Variants in FHOD1 observed in about 807,000 individuals in gnomAD.
FHOD1 encodes the protein FH1/FH2 domain-containing protein 1.
A neutral mutation model predicts 111.6 loss-of-function variants in FHOD1; 89 were observed. The ratio of observed to expected loss-of-function variants is 0.80; its 90% confidence interval spans 0.67 to 0.95. The LOEUF (loss-of-function observed/expected upper bound fraction) is 0.95, where lower values mean the gene tolerates loss of function less well. FHOD1 is among the 40% of genes least tolerant of loss of function. FHOD1 has a pLI of 0.00. For missense variants in FHOD1, 1,446 were observed against 1,554.2 expected, an observed-to-expected ratio of 0.93 and a Z score of 1.17; for synonymous variants, 618 against 639.0, an observed-to-expected ratio of 0.97 and a Z score of 0.50.
rs1436168158 is a variant in FHOD1 at position 67,230,113 on chromosome 16, A to G, written c.3167T>C (p.Leu1056Pro). Residue 1056 changes from leucine to proline, a missense_variant, in exon 20 of 22, where the codon CTG (leucine) becomes CCG (proline). Leu to Pro is a moderately conservative substitution (Grantham distance 98). Transcript: ENST00000258201. ...GGTGTCCTCAGGCCTGCTGGTCAGC[A>G]GACTCTTCATACTAGCATGACTGTC... ...DADSHASMKSLLTSRPEDTTH... is the reference protein window; with the variant it reads ...DADSHASMKSPLTSRPEDTTH... 5 of 1,614,108 alleles carry G rather than the reference A, an allele frequency of 3.1e-6. No individual in the cohort carries two copies. Among genetic ancestry groups the G allele is most frequent in the African/African-American group, 1.3e-5 (1 of 74,936 alleles).
intron 1 of FHOD1, 106 bp from the exon 2 acceptor site, chr16:67,239,560 G>T: frequency 1.3e-6 from 1 of 775,802 alleles, no homozygotes; most frequent in East Asian, 2.6e-5. Context: ...GAGAGACACA[G>T]GGTCTGCACT....
chr16:67,230,574 C>CT lies in FHOD1; in HGVS notation c.2858+26dup, dbSNP rs767996597. The CT allele has an allele frequency of 1.2e-5, 20 of 1,613,488 alleles. No individual in the cohort carries two copies. The African/African-American group carries it at 2.5e-4, about 20-fold the overall frequency. On this transcript the variant is annotated intron_variant, in intron 18 of 21. Coordinates refer to ENST00000258201, the MANE Select transcript of FHOD1 (RefSeq NM_013241.3). Reference sequence around the variant, plus strand: ...TGTCTGAGGGAGGGTGGTGGCCGTCCTGCCTCTCTTGGGTCCATGCCCCTA... The same window carrying CT: ...TGTCTGAGGGAGGGTGGTGGCCGTCCTTGCCTCTCTTGGGTCCATGCCCCTA...
rs149208562 is a variant in FHOD1 at position 67,237,686 on chromosome 16, C to T, written c.725G>A (p.Arg242His). 26 of 1,614,012 alleles carry T rather than the reference C, an allele frequency of 1.6e-5. No individual in the cohort carries two copies. The African/African-American group carries it at 2.4e-4, about 15-fold the overall frequency. Residue 242 changes from arginine to histidine, a missense_variant, in exon 7 of 22, where the codon CGT becomes CAT. By Grantham distance (29) the Arg-to-His change is conservative. Transcript: ENST00000258201. This position sits in a 1 kb window ranked among gnomAD's most constrained non-coding sequence, Gnocchi z 5.6. Reference sequence around the variant, plus strand: ...GGTGCTGGCCACAGAGTTCACTGCACGGATGAACAGCGGTGCGTTGTTTTC... The same window carrying T: ...GGTGCTGGCCACAGAGTTCACTGCATGGATGAACAGCGGTGCGTTGTTTTC... ...YSENNAPLFI[R>H]AVNSVASTTG...
intron 11 of FHOD1, chr16:67,234,741 C>CAG: frequency 2.2e-6 from 1 of 444,522 alleles, no homozygotes; most frequent in Non-Finnish European, 4.1e-6. Flanking sequence ...CAACCTCGTT[C>CAG]ATGTTCACTG....
chr16:67,241,861 C>T (rs1026706916), intron 1 of FHOD1, among the ~76,000 whole-genome samples: 2 of 152,230 alleles, frequency 1.3e-5, no homozygotes, highest in East Asian at 1.9e-4. Context: ...AGGCCCACCA[C>T]GCTGTCCTGC....
intron 11 of FHOD1, 146 bp from the exon 12 acceptor site, chr16:67,234,618 C>T: frequency 1.5e-6 from 1 of 654,158 alleles, no homozygotes; most frequent in Non-Finnish European, 2.7e-6. Context: ...ACCAGAACCA[C>T]ACCCCCCCCA....
Position 67,237,338 on chromosome 16 carries a change from C to A in FHOD1, c.894G>T (p.Thr298=). ...CCATGCCCTGCTGCTCCAGTGCATCCGTCACATCGTAGAAGGAGTCCTGGT... is the reference window on the plus strand; with the variant it reads ...CCATGCCCTGCTGCTCCAGTGCATCAGTCACATCGTAGAAGGAGTCCTGGT... ...LPDQDSFYDV[T]DALEQQGMEA... The change falls in exon 9 of 22, where the codon ACG becomes ACT. Residue 298 remains threonine (T), a synonymous_variant. Coordinates refer to ENST00000258201, the MANE Select transcript of FHOD1 (RefSeq NM_013241.3). This position sits in a 1 kb window ranked among gnomAD's most constrained non-coding sequence, Gnocchi z 5.6. 1 of 1,614,102 alleles carries A rather than the reference C, an allele frequency of 6.2e-7. No homozygotes were observed. The highest frequency in any genetic ancestry group is 1.1e-5 in the South Asian group (1 of 91,078).
rs1307217835 is a variant in FHOD1, at chr16:67,229,475, T to C, written c.*161A>G. ...ATGCATATGCATGCACACACACACA[T>C]ACACACACACTCACATGCATACACA... On this transcript the variant is annotated 3_prime_UTR_variant, in exon 22 of 22. Transcript: ENST00000258201. The C allele has an allele frequency of 3.1e-5, 21 of 669,354 alleles. No individual in the cohort carries two copies. The highest frequency in any genetic ancestry group is 4.9e-5 in the Non-Finnish European group (18 of 369,196). 41.5% of individuals were successfully genotyped at this position (669,354 alleles called of 1,614,324 possible). A position where few individuals can be genotyped will look rare whatever the true frequency, so the allele number is the denominator to read the frequency against.
chr16:67,231,234 GA>G lies in FHOD1; in HGVS notation c.2620del (p.Ser874ProfsTer11). Reference protein sequence around the residue: ...CSLVLQTRPESSDLYSEIPAL... With the variant: ...CSLVLQTRPEXSDLYSEIPAL... ...AGGGATTTCTGAATAGAGGTCAGAG[GA>G]CTCAGGCCGGGTCTGGAGCACTAGG... On this transcript the variant is annotated frameshift_variant, in exon 17 of 22. Transcript: ENST00000258201. LOFTEE classifies it high-confidence loss of function. This position sits in a 1 kb window ranked among gnomAD's most constrained non-coding sequence, Gnocchi z 4.3. 6.2e-7 allele frequency: 1 copy of G among 1,614,220 alleles called. No individual in the cohort carries two copies. Among genetic ancestry groups the G allele is most frequent in the Non-Finnish European group, 8.5e-7 (1 of 1,180,038 alleles).
At chr16:67,236,093 G>C in intron 11 of FHOD1, 1 of 943,358 alleles carries the variant, frequency 1.1e-6, no homozygotes, top group Non-Finnish European at 1.3e-6. Context: ...ATGAGAGGAA[G>C]AGATGGTAAC....
In FHOD1 at chr16:67,230,423, C is replaced by T. The variant is rs569958308; in HGVS notation, c.2942G>A (p.Arg981Gln). Residue 981 changes from arginine to glutamine, a missense_variant, in exon 19 of 22, where the codon CGG becomes CAG. Transcript: ENST00000258201. ...AGTCCGATACTCAAGCGCAAATTCCCGCAGCGTGTGGCAGAACTGCATGAT... is the reference window on the plus strand; with the variant it reads ...AGTCCGATACTCAAGCGCAAATTCCTGCAGCGTGTGGCAGAACTGCATGAT... ...VRIMQFCHTL[R>Q]EFALEYRTCR... 2.9e-5 allele frequency: 47 copies of T among 1,614,128 alleles called. No homozygotes were observed. The highest frequency in any genetic ancestry group is 1.3e-5 in the African/African-American group (1 of 74,952).
Position 67,229,915 on chromosome 16 carries a change from G to C in FHOD1, c.3290C>G (p.Ser1097Cys), listed in dbSNP as rs2034183268. 2.5e-6 allele frequency: 4 copies of C among 1,614,104 alleles called. No individual in the cohort carries two copies. The South Asian group carries it at 3.3e-5, about 13-fold the overall frequency. ...ATCTGATGTATCACTGGGTAAACTGGAGCCTGGGGGTTCTTCTGGGGATGC... is the reference window on the plus strand; with the variant it reads ...ATCTGATGTATCACTGGGTAAACTGCAGCCTGGGGGTTCTTCTGGGGATGC... ...STASPEEPPG[S>C]SLPSDTSDEI... is the part of the protein sequence containing the mutation. Residue 1097 changes from serine (S) to cysteine (C), a missense_variant, in exon 21 of 22, where the codon TCC becomes TGC. This residue lies in a region of FHOD1 where 1,085 missense variants were observed against 1,108.8 expected (regional missense o/e 0.98). Coordinates refer to ENST00000258201, the MANE Select transcript of FHOD1 (RefSeq NM_013241.3).
Position 67,234,082 on chromosome 16 carries a change from T to A in FHOD1, c.1621A>T (p.Ile541Phe), listed in dbSNP as rs1008214080. The change falls in exon 13 of 22, where the codon ATT (isoleucine) becomes TTT (phenylalanine). Residue 541 changes from isoleucine (I) to phenylalanine (F), a missense_variant. Around this residue, in one of 3 missense-constraint regions of FHOD1, gnomAD observed 1,085 missense variants for 1,108.8 expected, o/e 0.98. Coordinates refer to ENST00000258201, the MANE Select transcript of FHOD1 (RefSeq NM_013241.3). The part of the protein sequence containing the change: ...ELPTRAPRLS[I>F]GDLDFSDLGE... The stretch of plus-strand genomic sequence containing the variant: ...AGATCTGAAAAGTCCAGGTCCCCAA[T>A]AGAGAGCCTGGGTGCACGGGTAGGG... The A allele has an allele frequency of 1.9e-6, 3 of 1,608,538 alleles. No individual in the cohort carries two copies. Among genetic ancestry groups the A allele is most frequent in the South Asian group, 1.1e-5 (1 of 90,660 alleles).
At position 67,230,614 on chromosome 16, in the gene FHOD1, G is replaced by A. The variant is rs748898328; in HGVS notation, c.2845C>T (p.Arg949Cys). ...RVAMLRIVHRRVCNRFHAFLL... is the reference protein window; with the variant it reads ...RVAMLRIVHRCVCNRFHAFLL... Reference sequence around the variant, plus strand: ...CCATGCCCCTACCTATTGCAGACACGGCGGTGCACTATCCTTAGCATGGCA... The same window carrying A: ...CCATGCCCCTACCTATTGCAGACACAGCGGTGCACTATCCTTAGCATGGCA... The change falls in exon 18 of 22, where the codon CGT becomes TGT. Residue 949 changes from arginine to cysteine, a missense_variant. By Grantham distance (180) the Arg-to-Cys change is radical. Around this residue, in one of 3 missense-constraint regions of FHOD1, gnomAD observed 1,085 missense variants for 1,108.8 expected, o/e 0.98. Coordinates refer to ENST00000258201, the MANE Select transcript of FHOD1 (RefSeq NM_013241.3). 6.2e-6 allele frequency: 10 copies of A among 1,613,956 alleles called. No homozygotes were observed. The highest frequency in any genetic ancestry group is 5.5e-5 in the South Asian group (5 of 91,086).
At chr16:67,236,050 C>T (rs1475296186) in intron 11 of FHOD1, 247 of 982,160 alleles carry the variant, frequency 2.5e-4, no homozygotes, top group Non-Finnish European at 2.9e-4. Context: ...GACTGGGGGA[C>T]GGGTGGGCTC....
chr16:67,242,401 G>C lies in FHOD1; in HGVS notation c.202-2947C>G, dbSNP rs1461190449. 1.4e-4 allele frequency among the ~76,000 whole-genome samples: 22 copies of C among 152,224 alleles called. 1 individual carries two copies. Among genetic ancestry groups the C allele is most frequent in the Admixed American group, 1.4e-3 (22 of 15,286 alleles). Reference sequence around the variant, plus strand: ...GGACAGTGTCTCCCCACCCCCAGCTGTCTGTCCTGGGTGGAAGTGTGGGGT... The same window carrying C: ...GGACAGTGTCTCCCCACCCCCAGCTCTCTGTCCTGGGTGGAAGTGTGGGGT... On this transcript the variant is annotated intron_variant, in intron 1 of 21. Coordinates refer to ENST00000258201, the MANE Select transcript of FHOD1 (RefSeq NM_013241.3).
chr16:67,237,668 G>C lies in FHOD1; in HGVS notation c.743C>G (p.Ala248Gly), dbSNP rs1267925358. ...PLFIRAVNSV[A>G]STTGAPPWAN... ...GGACAGTCTCTGACCGGTGGTGCTG[G>C]CCACAGAGTTCACTGCACGGATGAA... is the stretch of plus-strand genomic sequence containing the variant. Residue 248 changes from alanine to glycine, a missense_variant, in exon 7 of 22, where the codon GCC (alanine) becomes GGC (glycine). This residue lies in a region of FHOD1 where 234 missense variants were observed against 327.4 expected (regional missense o/e 0.71). Coordinates refer to ENST00000258201, the MANE Select transcript of FHOD1 (RefSeq NM_013241.3). This position sits in a 1 kb window ranked among gnomAD's most constrained non-coding sequence, Gnocchi z 5.6. 1.5e-5 allele frequency: 24 copies of C among 1,614,094 alleles called. No individual in the cohort carries two copies. Among genetic ancestry groups the C allele is most frequent in the Non-Finnish European group, 2.0e-5 (24 of 1,179,966 alleles).
intron 1 of FHOD1, among the ~76,000 whole-genome samples, chr16:67,242,471 G>A (rs574906544): frequency 1.2e-3 from 187 of 152,338 alleles, no homozygotes; most frequent in Non-Finnish European, 1.9e-3. Context: ...GAGACTTCCT[G>A]CTAGCAGGAT....
At position 67,230,652 on chromosome 16, in the gene FHOD1, C is replaced by T. The variant is rs1372412602; in HGVS notation, c.2807G>A (p.Cys936Tyr). 1 of 1,614,056 alleles carries T rather than the reference C, an allele frequency of 6.2e-7. No homozygotes were observed. Among genetic ancestry groups the T allele is most frequent in the East Asian group, 2.2e-5 (1 of 44,880 alleles). The change falls in exon 18 of 22, where the codon TGT becomes TAT. Residue 936 changes from cysteine to tyrosine, a missense_variant. By Grantham distance (194) the Cys-to-Tyr change is radical. Coordinates refer to ENST00000258201, the MANE Select transcript of FHOD1 (RefSeq NM_013241.3). ...CCTTAGCATGGCAACACGGCGGGCA[C>T]ACTGGTCCAGGAAGTGGGTGAGGCG... ...RARLTHFLDQ[C>Y]ARRVAMLRIV... is the part of the protein sequence containing the mutation.
Sources: allele counts gnomAD v4.1 joint callset (sites outside exome capture counted in the v4.1 genomes callset), GRCh38; gene constraint gnomAD v4.1.1; regional missense constraint gnomAD v4.1.1; non-coding constraint Gnocchi (gnomAD v3.1); transcripts MANE v1.5; gene names NCBI Gene and HGNC (gene_info 2026-07-23, HGNC 2026-07-21).